Variants in WDR33 observed in about 807,000 individuals in gnomAD.
WDR33 encodes the protein WD repeat domain 33, also known as pre-mRNA 3' end processing protein WDR33.
WDR33 carries 47 observed loss-of-function variants against 164.9 expected under a neutral mutation model. The ratio of observed to expected loss-of-function variants is 0.29; its 90% CI spans 0.23 to 0.36. WDR33 has a LOEUF of 0.36. WDR33 is among the 10% of genes least tolerant of loss of function. WDR33 has a pLI of 1.00. For synonymous variants in WDR33, 505 were observed against 589.0 expected, an observed-to-expected ratio of 0.86 and a Z score of 2.06; for missense variants, 1,137 against 1,754.1, an observed-to-expected ratio of 0.65 and a Z score of 6.28.
rs142565992 is a variant in WDR33 at position 127,802,674 on chromosome 2, C to T, written c.-24+8338G>A. On this transcript the variant is annotated intron_variant, in intron 1 of 21. Coordinates refer to ENST00000322313, the MANE Select transcript of WDR33 (RefSeq NM_018383.5). Reference sequence around the variant, plus strand: ...AGTAGATTTTAAACCATGTAAATAACGTATTAAAAAAACTAAATTACGTCT... The same window carrying T: ...AGTAGATTTTAAACCATGTAAATAATGTATTAAAAAAACTAAATTACGTCT... 3.9e-5 allele frequency among the ~76,000 whole-genome samples: 6 copies of T among 152,066 alleles called. No individual in the cohort carries two copies. The East Asian group carries it at 5.8e-4, about 15-fold the overall frequency.
At chr2:127,759,126 A>T (rs1687604155) in intron 7 of WDR33, among the ~76,000 whole-genome samples, 1 of 152,230 alleles carries the variant, frequency 6.6e-6, no homozygotes, top group South Asian at 2.1e-4. Context: ...TGCCATAATT[A>T]ATACTAGAAA....
At chr2:127,810,302 C>G (rs1309000761) in intron 1 of WDR33, among the ~76,000 whole-genome samples, 1 of 152,140 alleles carries the variant, frequency 6.6e-6, no homozygotes, top group East Asian at 1.9e-4. Flanking sequence ...TTAAATAGAT[C>G]CAATTACGGA....
intron 18 of WDR33, among the ~76,000 whole-genome samples, chr2:127,711,751 GATATATATATATAT>G (rs754454193): frequency 1.4e-4 from 10 of 71,636 alleles, no homozygotes; most frequent in African/African-American, 2.0e-4. Flanking sequence ...CACATATACA[GATATATATATATAT>G]ATATATATAT....
At chr2:127,810,042 C>CTA (rs1398173773) in intron 1 of WDR33, among the ~76,000 whole-genome samples, 2 of 145,794 alleles carry the variant, frequency 1.4e-5, no homozygotes, top group African/African-American at 5.3e-5. Flanking sequence ...TATTCACAGG[C>CTA]TATATATACA....
intron 2 of WDR33, among the ~76,000 whole-genome samples, chr2:127,769,228 C>G: frequency 6.6e-6 from 1 of 152,094 alleles, no homozygotes. Context: ...TGCCTCATGC[C>G]TGTAATCCTA....
At position 127,720,433 on chromosome 2, in the gene WDR33, C is replaced by T; in HGVS notation, c.1672-80G>A. 6.9e-7 allele frequency: 1 copy of T among 1,444,950 alleles called. No homozygotes were observed. Among genetic ancestry groups the T allele is most frequent in the South Asian group, 1.6e-5 (1 of 60,930 alleles). 89.5% of individuals were successfully genotyped at this position (1,444,950 alleles called of 1,614,324 possible). A position where few individuals can be genotyped will look rare whatever the true frequency, so the allele number is the denominator to read the frequency against. On this transcript the variant is annotated intron_variant, in intron 15 of 21. Coordinates refer to ENST00000322313, the MANE Select transcript of WDR33 (RefSeq NM_018383.5). The surrounding 1 kb of genome is among the most constrained non-coding windows in gnomAD (Gnocchi z 5.9). Reference sequence around the variant, plus strand: ...GATGACAATATTGCTATCATGTATTCTGTTAGGGGACTCTCAAACATAAAA... The same window carrying T: ...GATGACAATATTGCTATCATGTATTTTGTTAGGGGACTCTCAAACATAAAA...
At chr2:127,750,707 T>TGTATGCATAC (rs1687321596) in intron 7 of WDR33, among the ~76,000 whole-genome samples, 1 of 53,644 alleles carries the variant, frequency 1.9e-5, no homozygotes, top group Non-Finnish European at 3.2e-5. Flanking sequence ...TATATATATA[T>TGTATGCATAC]ATATATGTAT....
At chr2:127,802,426 C>T (rs1689280914) in intron 1 of WDR33, among the ~76,000 whole-genome samples, 1 of 152,040 alleles carries the variant, frequency 6.6e-6, no homozygotes, top group Admixed American at 6.6e-5. Context: ...GGATTACAGG[C>T]ATGTGCCACC....
intron 7 of WDR33, among the ~76,000 whole-genome samples, chr2:127,753,530 CA>C (rs901566695): frequency 2.6e-5 from 4 of 152,142 alleles, no homozygotes; most frequent in African/African-American, 7.2e-5. Flanking sequence ...GATGAGGACA[CA>C]AAATATTGTA....
At chr2:127,751,467 C>T (rs537454928) in intron 7 of WDR33, among the ~76,000 whole-genome samples, 14 of 148,396 alleles carry the variant, frequency 9.4e-5, no homozygotes, top group Admixed American at 9.4e-4. Flanking sequence ...AGGAGGATGG[C>T]TTAGGGCCAG....
chr2:127,727,695 G>T (rs930745202), intron 7 of WDR33, among the ~76,000 whole-genome samples: 5 of 152,158 alleles, frequency 3.3e-5, no homozygotes, highest in African/African-American at 1.2e-4. Flanking sequence ...GAAAAAAATG[G>T]ATATGATTTT....
chr2:127,701,710 C>T lies in WDR33; in HGVS notation c.*4613G>A. ...TGGGCGCGGAGCCCTGCGGAGTCGG[C>T]AGCGGCCGGCCTGACGTGCCTCCCG... On this transcript the variant is annotated 3_prime_UTR_variant, in exon 22 of 22. Coordinates refer to ENST00000322313, the MANE Select transcript of WDR33 (RefSeq NM_018383.5). The T allele has an allele frequency of 7.5e-7, 1 of 1,329,508 alleles. No homozygotes were observed. Among genetic ancestry groups the T allele is most frequent in the Non-Finnish European group, 9.6e-7 (1 of 1,044,550 alleles). 82.4% of individuals were successfully genotyped at this position (1,329,508 alleles called of 1,614,324 possible).
chr2:127,724,646 G>C lies in WDR33; in HGVS notation c.1086-203C>G, dbSNP rs1192522465. Among the ~76,000 whole-genome samples the C allele has an allele frequency of 2.0e-5, 3 of 152,052 alleles. No homozygotes were observed. The highest frequency in any genetic ancestry group is 2.0e-4 in the Admixed American group (3 of 15,266). ...CTTTCATCCAAAGAGCACTTCACAGGGGAAAAGGCTGCAAGCATTTAGAAA... is the reference window on the plus strand; with the variant it reads ...CTTTCATCCAAAGAGCACTTCACAGCGGAAAAGGCTGCAAGCATTTAGAAA... On this transcript the variant is annotated intron_variant, in intron 10 of 21. Coordinates refer to ENST00000322313, the MANE Select transcript of WDR33 (RefSeq NM_018383.5). The surrounding 1 kb of genome is among the most constrained non-coding windows in gnomAD (Gnocchi z 4.8).
chr2:127,743,786 G>A (rs570808313), intron 7 of WDR33, among the ~76,000 whole-genome samples: 2 of 152,276 alleles, frequency 1.3e-5, no homozygotes, highest in South Asian at 4.2e-4. Flanking sequence ...AATTCATTAT[G>A]ACAAAAACGA....
chr2:127,804,049 CGGTG>C (rs1284598525), intron 1 of WDR33, among the ~76,000 whole-genome samples: 1 of 151,728 alleles, frequency 6.6e-6, no homozygotes, highest in South Asian at 2.1e-4. Context: ...GGACCGGGTG[CGGTG>C]GCTCACACCC....
rs771395247 is a variant in WDR33, at chr2:127,713,936, G to C, written c.2955C>G (p.Pro985=). 1 of 1,602,448 alleles carries C rather than the reference G, an allele frequency of 6.2e-7. No individual in the cohort carries two copies. The highest frequency in any genetic ancestry group is 1.3e-5 in the African/African-American group (1 of 74,748). ...HEQSGGPEHG[P]ERGPFRGGQD... ...GGCCACCCCGGAAAGGCCCCCTCTC[G>C]GGCCCATGCTCAGGCCCGCCGCTCT... The change falls in exon 18 of 22, where the codon CCC becomes CCG. Residue 985 remains proline (P), a synonymous_variant. Coordinates refer to ENST00000322313, the MANE Select transcript of WDR33 (RefSeq NM_018383.5). The surrounding 1 kb of genome is among the most constrained non-coding windows in gnomAD (Gnocchi z 6.2).
intron 1 of WDR33, among the ~76,000 whole-genome samples, chr2:127,788,703 C>T (rs1214936241): frequency 3.0e-4 from 44 of 145,708 alleles, no homozygotes; most frequent in Middle Eastern, 3.8e-3. Context: ...GGGGGGCTGA[C>T]CCCCCCACCT....
At chr2:127,715,900 T>C (rs1686288781) in intron 17 of WDR33, among the ~76,000 whole-genome samples, 1 of 152,016 alleles carries the variant, frequency 6.6e-6, no homozygotes, top group African/African-American at 2.4e-5. Context: ...CCCTTCTCCC[T>C]TTGGTCCCTG....
chr2:127,713,600 T>A lies in WDR33; in HGVS notation c.3291A>T (p.Arg1097=). Residue 1097 remains arginine, a synonymous_variant, in exon 18 of 22, where the codon CGA becomes CGT. Transcript: ENST00000322313. This position sits in a 1 kb window ranked among gnomAD's most constrained non-coding sequence, Gnocchi z 6.2. ...FPRDPEDPRF[R]GRREESFRRG... is the part of the protein sequence containing the mutation. Reference sequence around the variant, plus strand: ...TGTCCCACCTTTCTTCTCTGCGCCCTCGAAAACGTGGGTCCTCGGGATCCC... The same window carrying A: ...TGTCCCACCTTTCTTCTCTGCGCCCACGAAAACGTGGGTCCTCGGGATCCC... 6.2e-7 allele frequency: 1 copy of A among 1,614,220 alleles called. No homozygotes were observed. The highest frequency in any genetic ancestry group is 1.1e-5 in the South Asian group (1 of 91,084).
Sources: gnomAD v4.1 joint callset for allele counts (sites outside exome capture counted in the v4.1 genomes callset) on GRCh38, gnomAD v4.1.1 for gene constraint, Gnocchi (gnomAD v3.1) non-coding constraint, MANE v1.5 for transcripts, NCBI Gene and HGNC (gene_info 2026-07-23, HGNC 2026-07-21) for gene names.